The following ATP5MC2 variants were observed in gnomAD, a reference collection of about 807,000 sequenced individuals.
ATP5MC2 encodes the protein ATP synthase F(0) complex subunit C2, mitochondrial.
Under a neutral mutation model 13.5 loss-of-function variants are expected in ATP5MC2, and 11 were observed. The ratio of observed to expected loss-of-function variants is 0.81; its 90% CI spans 0.51 to 1.35. The LOEUF (loss-of-function observed/expected upper bound fraction) is 1.35. Ranked by LOEUF, ATP5MC2 falls within the 40% of genes most tolerant of loss-of-function variation. The pLI, the probability that ATP5MC2 is intolerant of heterozygous loss-of-function variation, is 0.00. For synonymous variants in ATP5MC2, 64 were observed against 69.7 expected (o/e 0.92, Z 0.41); for missense variants, 132 against 175.0 (o/e 0.75, Z 1.39).
chr12:53,673,319 A>AAAACAAACAAACAAACAAACAAAC, intron 1 of ATP5MC2: 1 of 141,740 alleles, frequency 7.1e-6, no homozygotes, highest in South Asian at 2.3e-4. Flanking sequence ...ACCCCATCTC[A>AAAACAAACAAACAAACAAACAAAC]AAACAAACAA....
chr12:53,672,078 T>A (rs974167933), intron 2 of ATP5MC2, among the ~76,000 whole-genome samples: 1 of 30,508 alleles, frequency 3.3e-5, no homozygotes. Context: ...AGCGAAACTC[T>A]GTCTCAAAAA....
At chr12:53,669,755 A>C in intron 3 of ATP5MC2, 116 bp downstream of exon 3, 2 of 1,096,054 alleles carry the variant, frequency 1.8e-6, no homozygotes, top group Non-Finnish European at 2.7e-6. Flanking sequence ...GGCCTTGGCC[A>C]TTCATGAATT....
At chr12:53,670,712 TC>T (rs1274588592) in intron 2 of ATP5MC2, among the ~76,000 whole-genome samples, 1 of 151,306 alleles carries the variant, frequency 6.6e-6, no homozygotes, top group African/African-American at 2.4e-5. Context: ...AACCTCCACC[TC>T]CCAGGTTCAA....
chr12:53,667,993 AT>A (rs1944981726), intron 4 of ATP5MC2, among the ~76,000 whole-genome samples: 8 of 89,320 alleles, frequency 9.0e-5, no homozygotes, highest in Admixed American at 1.2e-4. Context: ...ATATATATAT[AT>A]AAATTTTTTT....
At chr12:53,667,990 T>TATATATATATAA (rs1565625357) in intron 4 of ATP5MC2, among the ~76,000 whole-genome samples, 2 of 93,308 alleles carry the variant, frequency 2.1e-5, no homozygotes, top group African/African-American at 8.3e-5. Context: ...TATATATATA[T>TATATATATATAA]ATATAAATTT....
At chr12:53,669,459 C>T (rs986948070) in intron 3 of ATP5MC2, 118 bp from the exon 4 acceptor site, 67 of 1,440,564 alleles carry the variant, frequency 4.7e-5, no homozygotes, top group Non-Finnish European at 5.6e-5. Context: ...AATTGTTTAA[C>T]GCCCTAAAAT....
At position 53,669,246 on chromosome 12, in the gene ATP5MC2, T is replaced by C. The variant is rs1293368096; in HGVS notation, c.213A>G (p.Ala71=). ...CAGCCCCAGCTCCAATGAACTTGGCTGCTGTGTCGATGTCCCTTGAAATGG... is the reference window on the plus strand; with the variant it reads ...CAGCCCCAGCTCCAATGAACTTGGCCGCTGTGTCGATGTCCCTTGAAATGG... ...TSAISRDIDT[A]AKFIGAGAAT... is the part of the protein sequence containing the mutation. Residue 71 remains alanine (A), a synonymous_variant, in exon 4 of 5, where the codon GCA becomes GCG. Coordinates refer to ENST00000394349, the MANE Select transcript of ATP5MC2 (RefSeq NM_005176.7). 6.2e-7 allele frequency: 1 copy of C among 1,614,122 alleles called. No homozygotes were observed. The highest frequency in any genetic ancestry group is 1.7e-5 in the Admixed American group (1 of 60,018).
chr12:53,671,872 G>T (rs1198977405), intron 2 of ATP5MC2, among the ~76,000 whole-genome samples: 1 of 151,720 alleles, frequency 6.6e-6, no homozygotes, highest in Non-Finnish European at 1.5e-5. Context: ...TCTCTACTCG[G>T]ATCACGAGGT....
At chr12:53,675,944 A>G in intron 1 of ATP5MC2, 109 bp downstream of exon 1, 2 of 1,448,348 alleles carry the variant, frequency 1.4e-6, no homozygotes, top group East Asian at 4.8e-5. Flanking sequence ...AAAGGGCGAG[A>G]GGACCAGGGT....
At chr12:53,678,340 TCACCAC>T (rs374475099), upstream of ATP5MC2, among the ~76,000 whole-genome samples, 68 of 151,440 alleles carry the variant, frequency 4.5e-4, no homozygotes, top group South Asian at 2.5e-3. Context: ...ATCATCATCG[TCACCAC>T]CACCACCACC....
chr12:53,667,897 G>A (rs779237066), intron 4 of ATP5MC2, among the ~76,000 whole-genome samples: 18 of 143,336 alleles, frequency 1.3e-4, no homozygotes, highest in Non-Finnish European at 2.3e-4. Context: ...AGCTGTTCAT[G>A]AAACTTTCTT....
At chr12:53,681,250 G>T (rs1225192558), upstream of ATP5MC2, among the ~76,000 whole-genome samples, 1 of 151,620 alleles carries the variant, frequency 6.6e-6, no homozygotes, top group African/African-American at 2.4e-5. Context: ...ACAAGGCCAG[G>T]CATGGTGGCT....
At position 53,672,083 on chromosome 12, in the gene ATP5MC2, C is replaced by CAAAAAAAAAAAA. The variant is rs916010110; in HGVS notation, c.39+481_39+492dup. 1.1e-3 allele frequency among the ~76,000 whole-genome samples: 54 copies of CAAAAAAAAAAAA among 47,162 alleles called. 3 individuals carry two copies. Among genetic ancestry groups the CAAAAAAAAAAAA allele is most frequent in the African/African-American group, 2.4e-3 (26 of 10,942 alleles). The allele number at this position is 47,162 out of a possible 152,430, so 30.9% of individuals were successfully genotyped here. On this transcript the variant is annotated intron_variant, in intron 2 of 4. Coordinates refer to ENST00000394349, the MANE Select transcript of ATP5MC2 (RefSeq NM_005176.7). ...GGGCAACAAGAGCGAAACTCTGTCT[C>CAAAAAAAAAAAA]AAAAAAAAAAAAAAAAAAAAAATTA...
chr12:53,671,044 C>T (rs954016048), intron 2 of ATP5MC2, among the ~76,000 whole-genome samples: 6 of 151,866 alleles, frequency 4.0e-5, no homozygotes, highest in Non-Finnish European at 7.4e-5. Flanking sequence ...AAGAAAGAAG[C>T]CAGTAACTTT....
At chr12:53,673,865 A>C (rs1487330888) in intron 1 of ATP5MC2, 1 of 171,092 alleles carries the variant, frequency 5.8e-6, no homozygotes, top group Non-Finnish European at 1.3e-5. Context: ...CAAGATCTAA[A>C]GAAGATCTGA....
intron 1 of ATP5MC2, among the ~76,000 whole-genome samples, chr12:53,674,660 G>C (rs938295179): frequency 6.6e-6 from 1 of 152,270 alleles, no homozygotes; most frequent in South Asian, 2.1e-4. Flanking sequence ...TTTTTGCCCA[G>C]GCTATTGTGG....
At chr12:53,672,095 A>AAAAAAAAAAAAAAAAAC in intron 2 of ATP5MC2, among the ~76,000 whole-genome samples, 1 of 150,644 alleles carries the variant, frequency 6.6e-6, no homozygotes, top group Non-Finnish European at 1.5e-5. Context: ...AAAAAAAAAA[A>AAAAAAAAAAAAAAAAAC]AAAAAAAAAA....
At chr12:53,666,529 A>G (rs1593042739) in intron 4 of ATP5MC2, among the ~76,000 whole-genome samples, 1 of 151,030 alleles carries the variant, frequency 6.6e-6, no homozygotes, top group Admixed American at 6.6e-5. Context: ...GTGATCCAAG[A>G]CCGCAGCCAC....
At chr12:53,676,183 G>A (rs901431514), upstream of ATP5MC2, 3 of 1,613,560 alleles carry the variant, frequency 1.9e-6, no homozygotes, top group South Asian at 1.1e-5. Context: ...TACAGGATCA[G>A]CTCAGGCATC....
Sources: gnomAD v4.1 joint callset for allele counts (sites outside exome capture counted in the v4.1 genomes callset) on GRCh38, gnomAD v4.1.1 for gene constraint, MANE v1.5 for transcripts, NCBI Gene and HGNC (gene_info 2026-07-23, HGNC 2026-07-21) for gene names.